The following EIF5 variants were observed in gnomAD, a reference collection of about 807,000 sequenced individuals.
EIF5 encodes the protein eukaryotic translation initiation factor 5.
Under a neutral mutation model 48.3 loss-of-function variants are expected in EIF5, and 10 were observed. That is an observed-to-expected ratio of 0.21 (90% CI 0.13 to 0.35). EIF5 has a LOEUF of 0.35. EIF5 is among the 10% of genes least tolerant of loss of function. The pLI, the probability that EIF5 is intolerant of heterozygous loss-of-function variation, is 1.00. For missense variants in EIF5, 397 were observed against 533.2 expected (o/e 0.74, Z 2.51); for synonymous variants, 237 against 173.1 (o/e 1.37, Z -2.90).
chr14:103,343,804 A>G lies in EIF5; in HGVS notation c.*2752A>G, dbSNP rs964622838. ...GCATAGGTACTGTTGTACCAAGGTCACTTATCTAACAAAATAACCCTTCAT... is the reference window on the plus strand; with the variant it reads ...GCATAGGTACTGTTGTACCAAGGTCGCTTATCTAACAAAATAACCCTTCAT... On this transcript the variant is annotated 3_prime_UTR_variant, in exon 12 of 12. Transcript: ENST00000216554. 2.6e-5 allele frequency: 4 copies of G among 152,232 alleles called. No homozygotes were observed. The highest frequency in any genetic ancestry group is 2.0e-4 in the Admixed American group (3 of 15,288). The allele number at this position is 152,232 out of a possible 1,614,324, so 9.4% of individuals were successfully genotyped here.
intron 10 of EIF5, among the ~76,000 whole-genome samples, chr14:103,340,203 A>T (rs375504036): frequency 6.6e-6 from 1 of 152,164 alleles, no homozygotes; most frequent in Non-Finnish European, 1.5e-5. Flanking sequence ...CTTAATATCT[A>T]TAGCTAAAGT....
rs2089294296 is a variant in EIF5 at position 103,336,977 on chromosome 14, T to TA, written c.327+129dup. ...AAACACAAAACTCCAGTTTTCGAGATATTTCCATTCTTTTTTTTAAAGTAG... is the reference window on the plus strand; with the variant it reads ...AAACACAAAACTCCAGTTTTCGAGATAATTTCCATTCTTTTTTTTAAAGTAG... On this transcript the variant is annotated intron_variant, in intron 5 of 11. Transcript: ENST00000216554. 10 of 1,389,522 alleles carry TA rather than the reference T, an allele frequency of 7.2e-6. No individual in the cohort carries two copies. In the South Asian group the frequency reaches 8.7e-5, roughly 12 times the overall value. The allele number at this position is 1,389,522 out of a possible 1,614,324, so 86.1% of individuals were successfully genotyped here.
chr14:103,337,749 A>G (rs2089304986), intron 6 of EIF5: 1 of 434,874 alleles, frequency 2.3e-6, no homozygotes, highest in African/African-American at 2.0e-5. Context: ...ATCTGAGGGT[A>G]GATGAAGTAA....
chr14:103,336,657 C>CT lies in EIF5; in HGVS notation c.155-19dup. 6.3e-7 allele frequency: 1 copy of CT among 1,589,620 alleles called. No homozygotes were observed. The highest frequency in any genetic ancestry group is 8.6e-7 in the Non-Finnish European group (1 of 1,169,578). ...ATCTAGTTAACTGTAACGATCCAAACTCCTTTTTCATTCAAATAGATCCCA... is the reference window on the plus strand; with the variant it reads ...ATCTAGTTAACTGTAACGATCCAAACTTCCTTTTTCATTCAAATAGATCCCA... On this transcript the variant is annotated intron_variant, in intron 4 of 11. Transcript: ENST00000216554.
chr14:103,336,679 C>G lies in EIF5; in HGVS notation c.157C>G (p.Pro53Ala). The G allele has an allele frequency of 1.2e-6, 2 of 1,605,748 alleles. No homozygotes were observed. Among genetic ancestry groups the G allele is most frequent in the Non-Finnish European group, 1.7e-6 (2 of 1,176,998 alleles). The change falls in exon 5 of 12, where the codon CCC becomes GCC. Residue 53 changes from proline to alanine, a missense_variant and splice_region_variant. By Grantham distance (27) the Pro-to-Ala change is conservative. Transcript: ENST00000216554. Reference protein sequence around the residue: ...AKALNRPPTYPTKYFGCELGA... With the variant: ...AKALNRPPTYATKYFGCELGA... ...AAACTCCTTTTTCATTCAAATAGAT[C>G]CCACCAAATATTTTGGTTGTGAGCT...
Position 103,343,271 on chromosome 14 carries a change from G to C in EIF5, c.*2219G>C, listed in dbSNP as rs1056245086. ...GTTTTGTAGCCGTTGCTTTGGATTT[G>C]TGTTGGATGTATCCTGCAGTTACAC... On this transcript the variant is annotated 3_prime_UTR_variant, in exon 12 of 12. Coordinates refer to ENST00000216554, the MANE Select transcript of EIF5 (RefSeq NM_001969.5). The C allele has an allele frequency of 1.3e-5, 2 of 152,234 alleles. No homozygotes were observed. The highest frequency in any genetic ancestry group is 1.5e-5 in the Non-Finnish European group (1 of 68,034). 9.4% of individuals were successfully genotyped at this position (152,234 alleles called of 1,614,324 possible).
chr14:103,336,767 C>G lies in EIF5; in HGVS notation c.245C>G (p.Ala82Gly). 1 of 1,613,962 alleles carries G rather than the reference C, an allele frequency of 6.2e-7. No individual in the cohort carries two copies. Among genetic ancestry groups the G allele is most frequent in the Non-Finnish European group, 8.5e-7 (1 of 1,180,006 alleles). Reference protein sequence around the residue: ...DRYIVNGSHEANKLQDMLDGF... With the variant: ...DRYIVNGSHEGNKLQDMLDGF... ...TACATTGTCAATGGATCTCATGAGG[C>G]GAATAAGCTGCAAGACATGTTGGAT... Residue 82 changes from alanine (A) to glycine (G), a missense_variant, in exon 5 of 12, where the codon GCG (alanine) becomes GGG (glycine). Around this residue, in one of 4 missense-constraint regions of EIF5, gnomAD observed 108 missense variants for 188.3 expected, o/e 0.57. Coordinates refer to ENST00000216554, the MANE Select transcript of EIF5 (RefSeq NM_001969.5).
chr14:103,337,274 A>T (rs1356599258), intron 6 of EIF5, 47 bp downstream of exon 6: 2 of 1,474,840 alleles, frequency 1.4e-6, no homozygotes, highest in African/African-American at 1.4e-5. Context: ...TAAGTTACTA[A>T]CTGTTGGGAA....
At chr14:103,337,897 C>T in intron 6 of EIF5, 1 of 522,238 alleles carries the variant, frequency 1.9e-6, no homozygotes, top group East Asian at 5.4e-5. Flanking sequence ...ACAATTTGAG[C>T]TTGCTATAGC....
Position 103,334,541 on chromosome 14 carries a change from C to G in EIF5, c.-265C>G, listed in dbSNP as rs1566719174. ...GGACTCGGGTTTATATCGCGCCTCA[C>G]TTCATCCCAGTCCCGGGCGAGCAGC... is the stretch of plus-strand genomic sequence containing the variant. On this transcript the variant is annotated 5_prime_UTR_variant, in exon 2 of 12. Transcript: ENST00000216554. The G allele has an allele frequency of 6.6e-6, 1 of 152,416 alleles. No individual in the cohort carries two copies. Among genetic ancestry groups the G allele is most frequent in the Non-Finnish European group, 1.5e-5 (1 of 67,992 alleles). 9.4% of individuals were successfully genotyped at this position (152,416 alleles called of 1,614,324 possible).
Position 103,338,886 on chromosome 14 carries a change from T to G in EIF5, c.737T>G (p.Phe246Cys). ...IEERVNILFD[F>C]VKKKKEEGVI... ...GAGAGGGTCAATATCCTCTTTGATTTTGTTAAGGTAAAACATTTGCTTGGT... is the reference window on the plus strand; with the variant it reads ...GAGAGGGTCAATATCCTCTTTGATTGTGTTAAGGTAAAACATTTGCTTGGT... Residue 246 changes from phenylalanine to cysteine, a missense_variant, in exon 8 of 12, where the codon TTT (phenylalanine) becomes TGT (cysteine). This residue lies in a region of EIF5 where 126 missense variants were observed against 141.9 expected (regional missense o/e 0.89). Transcript: ENST00000216554. 6.2e-7 allele frequency: 1 copy of G among 1,613,568 alleles called. No homozygotes were observed. Among genetic ancestry groups the G allele is most frequent in the Non-Finnish European group, 8.5e-7 (1 of 1,179,822 alleles).
chr14:103,339,153 G>T lies in EIF5; in HGVS notation c.745-19G>T, dbSNP rs191929257. On this transcript the variant is annotated intron_variant, in intron 8 of 11. Transcript: ENST00000216554. ...AAGTGTGCCTCCATTGCACTGAATT[G>T]TTTTCCTTTTCTTTGCAGAAAAAGA... 6.3e-7 allele frequency: 1 copy of T among 1,599,420 alleles called. No individual in the cohort carries two copies. Among genetic ancestry groups the T allele is most frequent in the South Asian group, 1.1e-5 (1 of 88,252 alleles).
Position 103,344,523 on chromosome 14 carries a change from T to TA in EIF5, c.*3472dup, listed in dbSNP as rs992446053. 1.0e-4 allele frequency: 16 copies of TA among 152,392 alleles called. 1 individual carries two copies. The highest frequency in any genetic ancestry group is 7.2e-4 in the Admixed American group (11 of 15,306). The allele number at this position is 152,392 out of a possible 1,614,324, so 9.4% of individuals were successfully genotyped here. On this transcript the variant is annotated 3_prime_UTR_variant, in exon 12 of 12. Coordinates refer to ENST00000216554, the MANE Select transcript of EIF5 (RefSeq NM_001969.5). ...CAAATTTGGATTCTGTCCCAGGCCT[T>TA]ACTGTAAAACTAGGGGATTGCCTTT...
At position 103,342,921 on chromosome 14, in the gene EIF5, G is replaced by C. The variant is rs1408944570; in HGVS notation, c.*1869G>C. The stretch of plus-strand genomic sequence containing the variant: ...TCAGCATACTCAGTGTCAAGCTAAT[G>C]AGGTTCTATTATAAAGGTTCTACTT... On this transcript the variant is annotated 3_prime_UTR_variant, in exon 12 of 12. Transcript: ENST00000216554. 1.3e-5 allele frequency: 2 copies of C among 152,610 alleles called. No individual in the cohort carries two copies. Among genetic ancestry groups the C allele is most frequent in the African/African-American group, 2.4e-5 (1 of 41,434 alleles). 9.5% of individuals were successfully genotyped at this position (152,610 alleles called of 1,614,324 possible).
At chr14:103,337,379 C>T (rs1037563892) in intron 6 of EIF5, 152 bp downstream of exon 6, 48 of 635,786 alleles carry the variant, frequency 7.5e-5, no homozygotes, top group South Asian at 3.2e-4. Flanking sequence ...CCAGGGCGGG[C>T]ACATCACTTG....
intron 6 of EIF5, chr14:103,337,824 C>T (rs375202609): frequency 6.3e-5 from 32 of 505,026 alleles, no homozygotes; most frequent in Admixed American, 1.8e-4. Flanking sequence ...TAAAGAGGGC[C>T]CCCTTCATTA....
At chr14:103,340,820 C>G (rs1356573343) in intron 11 of EIF5, 143 bp from the exon 12 acceptor site, 17 of 918,054 alleles carry the variant, frequency 1.9e-5, no homozygotes, top group Non-Finnish European at 2.8e-5. Context: ...AGAGAACTTG[C>G]AGTGTTTGCA....
In EIF5 at chr14:103,336,658, TC is replaced by T. The variant is rs2089290839; in HGVS notation, c.155-17del. The T allele has an allele frequency of 6.3e-7, 1 of 1,592,470 alleles. No individual in the cohort carries two copies. Among genetic ancestry groups the T allele is most frequent in the Non-Finnish European group, 8.5e-7 (1 of 1,171,094 alleles). On this transcript the variant is annotated intron_variant, in intron 4 of 11. Transcript: ENST00000216554. ...TCTAGTTAACTGTAACGATCCAAAC[TC>T]CTTTTTCATTCAAATAGATCCCACC...
chr14:103,337,751 A>G, intron 6 of EIF5: 2 of 436,526 alleles, frequency 4.6e-6, no homozygotes, highest in South Asian at 3.5e-5. Context: ...CTGAGGGTAG[A>G]TGAAGTAATG....
Sources: gnomAD v4.1 joint callset for allele counts (sites outside exome capture counted in the v4.1 genomes callset) on GRCh38, gnomAD v4.1.1 for gene constraint, gnomAD v4.1.1 regional missense constraint, MANE v1.5 for transcripts, NCBI Gene and HGNC (gene_info 2026-07-23, HGNC 2026-07-21) for gene names.